Variants in KCND2 observed in about 807,000 individuals in gnomAD.
KCND2 encodes the protein A-type voltage-gated potassium channel KCND2.
Under a neutral mutation model 54.4 loss-of-function variants are expected in KCND2, and 16 were observed. The ratio of observed to expected loss-of-function variants is 0.29; its 90% CI spans 0.20 to 0.45. The LOEUF is 0.45. KCND2 is among the 20% of genes least tolerant of loss of function. The pLI is 1.00. For missense variants in KCND2, 486 were observed against 824.2 expected, an observed-to-expected ratio of 0.59 and a Z score of 5.02; for synonymous variants, 317 against 310.7, an observed-to-expected ratio of 1.02 and a Z score of -0.21.
At chr7:120,369,578 G>C (rs778114682) in intron 1 of KCND2, among the ~76,000 whole-genome samples, 1 of 152,040 alleles carries the variant, frequency 6.6e-6, no homozygotes, top group East Asian at 1.9e-4. Flanking sequence ...TGTAGAGTCT[G>C]CATGAATATG....
intron 1 of KCND2, among the ~76,000 whole-genome samples, chr7:120,338,330 A>G (rs1206727663): frequency 6.6e-6 from 1 of 152,096 alleles, no homozygotes; most frequent in Non-Finnish European, 1.5e-5. Context: ...TTTCTAAGTT[A>G]TATAGCCAAT....
intron 1 of KCND2, among the ~76,000 whole-genome samples, chr7:120,584,993 G>A (rs946346371): frequency 1.3e-5 from 2 of 152,172 alleles, no homozygotes; most frequent in African/African-American, 4.8e-5. Context: ...TTTCCAAGTG[G>A]ATGATCATTC....
intron 1 of KCND2, among the ~76,000 whole-genome samples, chr7:120,566,964 G>GA (rs1251502267): frequency 2.0e-5 from 3 of 152,014 alleles, no homozygotes; most frequent in Non-Finnish European, 4.4e-5. Context: ...CTTTACAAAT[G>GA]AATGCTTTTA....
chr7:120,502,793 A>T (rs1802955565), intron 1 of KCND2, among the ~76,000 whole-genome samples: 1 of 152,040 alleles, frequency 6.6e-6, no homozygotes, highest in African/African-American at 2.4e-5. Context: ...CAGAGGACAC[A>T]CATACAGGCT....
chr7:120,278,869 T>A (rs1035763211), intron 1 of KCND2, among the ~76,000 whole-genome samples: 8 of 151,678 alleles, frequency 5.3e-5, no homozygotes, highest in African/African-American at 1.9e-4. Flanking sequence ...AATGTCAGAA[T>A]TTTTTTTAAG....
At chr7:120,427,422 C>T (rs902395998) in intron 1 of KCND2, among the ~76,000 whole-genome samples, 1 of 152,084 alleles carries the variant, frequency 6.6e-6, no homozygotes, top group African/African-American at 2.4e-5. Context: ...ACATGAGCCT[C>T]GGAATAACAG....
intron 1 of KCND2, among the ~76,000 whole-genome samples, chr7:120,499,140 A>G (rs1340337471): frequency 1.3e-5 from 2 of 152,160 alleles, no homozygotes; most frequent in African/African-American, 4.8e-5. Flanking sequence ...AAGTTTCTAT[A>G]CTGCTAAATA....
At chr7:120,473,959 A>G (rs1005141166) in intron 1 of KCND2, among the ~76,000 whole-genome samples, 5 of 152,150 alleles carry the variant, frequency 3.3e-5, no homozygotes, top group African/African-American at 1.2e-4. Context: ...TTATCCAGGT[A>G]GTTGCTGCTT....
At chr7:120,455,142 T>C (rs1472246119) in intron 1 of KCND2, among the ~76,000 whole-genome samples, 1 of 152,010 alleles carries the variant, frequency 6.6e-6, no homozygotes, top group Non-Finnish European at 1.5e-5. Context: ...CTTTTTTTTA[T>C]CAAACTGTCA....
rs147764724 is a variant in KCND2, at chr7:120,309,848, T to A, written c.1115+34101T>A. 2.0e-5 allele frequency among the ~76,000 whole-genome samples: 3 copies of A among 152,274 alleles called. No individual in the cohort carries two copies. The East Asian group carries it at 5.8e-4, about 29-fold the overall frequency. ...AAACTTTAAATTTTGGCATACATGA[T>A]CCTTCATTGTCTACAAACCAGTCAC... On this transcript the variant is annotated intron_variant, in intron 1 of 5. Coordinates refer to ENST00000331113, the MANE Select transcript of KCND2 (RefSeq NM_012281.3).
chr7:120,309,808 T>C (rs1584723655), intron 1 of KCND2, among the ~76,000 whole-genome samples: 1 of 152,250 alleles, frequency 6.6e-6, no homozygotes, highest in Middle Eastern at 3.4e-3. Context: ...AAACTCTCTG[T>C]ATACAATAAA....
At chr7:120,582,725 C>T (rs1012811458) in intron 1 of KCND2, among the ~76,000 whole-genome samples, 8 of 152,130 alleles carry the variant, frequency 5.3e-5, no homozygotes, top group South Asian at 2.1e-4. Flanking sequence ...AATAATTCTC[C>T]GCTGATACCA....
At chr7:120,709,602 GT>G (rs1792514204) in intron 1 of KCND2, among the ~76,000 whole-genome samples, 1 of 152,098 alleles carries the variant, frequency 6.6e-6, no homozygotes, top group Non-Finnish European at 1.5e-5. Flanking sequence ...TAAGTATTTG[GT>G]TAAGAAAGGA....
intron 1 of KCND2, among the ~76,000 whole-genome samples, chr7:120,403,210 G>C (rs1303822045): frequency 1.3e-5 from 2 of 152,076 alleles, no homozygotes; most frequent in African/African-American, 4.8e-5. Context: ...ATTTGTGACT[G>C]AGAGAAGAGG....
At chr7:120,428,788 A>G (rs1801750149) in intron 1 of KCND2, among the ~76,000 whole-genome samples, 1 of 152,224 alleles carries the variant, frequency 6.6e-6, no homozygotes, top group Non-Finnish European at 1.5e-5. Flanking sequence ...CAATGGTTAT[A>G]GATTTTCAAT....
chr7:120,319,696 G>A (rs1799865436), intron 1 of KCND2, among the ~76,000 whole-genome samples: 1 of 152,008 alleles, frequency 6.6e-6, no homozygotes, highest in Non-Finnish European at 1.5e-5. Context: ...ATATTGTTAA[G>A]ATAATTAGAT....
At chr7:120,546,646 A>C (rs1488073356) in intron 1 of KCND2, among the ~76,000 whole-genome samples, 2 of 151,990 alleles carry the variant, frequency 1.3e-5, no homozygotes, top group East Asian at 3.9e-4. Context: ...TCTCCTGGGA[A>C]ACATCTCCTC....
chr7:120,570,744 C>T (rs1032133220), intron 1 of KCND2, among the ~76,000 whole-genome samples: 1 of 152,176 alleles, frequency 6.6e-6, no homozygotes, highest in African/African-American at 2.4e-5. Flanking sequence ...TAATGATTCT[C>T]TCACAGTGTC....
intron 4 of KCND2, among the ~76,000 whole-genome samples, chr7:120,743,020 A>G (rs1490752081): frequency 6.6e-6 from 1 of 152,210 alleles, no homozygotes; most frequent in Non-Finnish European, 1.5e-5. Flanking sequence ...AAAACAGAGA[A>G]CAATGGAATA....
Sources: allele counts gnomAD v4.1 joint callset (sites outside exome capture counted in the v4.1 genomes callset), GRCh38; gene constraint gnomAD v4.1.1; transcripts MANE v1.5; gene names NCBI Gene and HGNC (gene_info 2026-07-23, HGNC 2026-07-21).